MMS22L: variants seen among roughly 807,000 people sequenced by gnomAD.
The protein encoded by MMS22L is protein MMS22-like.
Under a neutral mutation model 159.1 loss-of-function variants are expected in MMS22L, and 74 were observed. That is an observed-to-expected ratio of 0.47 (90% CI 0.39 to 0.56). The LOEUF is 0.56. MMS22L is among the 20% of genes least tolerant of loss of function. The pLI, the probability that MMS22L is intolerant of heterozygous loss-of-function variation, is 0.00. For synonymous variants in MMS22L, 517 were observed against 506.9 expected (o/e 1.02, Z -0.27); for missense variants, 1,351 against 1,422.1 (o/e 0.95, Z 0.80).
chr6:97,231,368 T>C, intron 13 of MMS22L, 58 bp downstream of exon 13: 1 of 1,241,512 alleles, frequency 8.1e-7, no homozygotes, highest in Non-Finnish European at 1.2e-6. Flanking sequence ...AAAATACAAA[T>C]AGTAACACCT....
At chr6:97,227,507 T>C (rs1288420748) in intron 14 of MMS22L, among the ~76,000 whole-genome samples, 1 of 152,204 alleles carries the variant, frequency 6.6e-6, no homozygotes, top group African/African-American at 2.4e-5. Context: ...AGGGAATCAC[T>C]TAACATTTAT....
rs902168060 is a variant in MMS22L at position 97,143,699 on chromosome 6, T to A, written c.*3107A>T. On this transcript the variant is annotated 3_prime_UTR_variant, in exon 25 of 25. Transcript: ENST00000683635. ...GAAGAACCTAAAATGCCTCTGACAT[T>A]TCAAGGCTAAATAACTTAGGACAAT... The A allele has an allele frequency of 6.6e-6, 1 of 152,026 alleles. No individual in the cohort carries two copies. Among genetic ancestry groups the A allele is most frequent in the Non-Finnish European group, 1.5e-5 (1 of 68,000 alleles). 9.4% of individuals were successfully genotyped at this position (152,026 alleles called of 1,614,324 possible). A position where few individuals can be genotyped will look rare whatever the true frequency, so the allele number is the denominator to read the frequency against.
At chr6:97,201,302 G>A (rs1807132587) in intron 14 of MMS22L, among the ~76,000 whole-genome samples, 1 of 152,130 alleles carries the variant, frequency 6.6e-6, no homozygotes, top group African/African-American at 2.4e-5. Context: ...CTGAGTTAAA[G>A]AGCTTGTTCC....
At chr6:97,170,890 C>T (rs1803476638) in intron 19 of MMS22L, among the ~76,000 whole-genome samples, 1 of 151,938 alleles carries the variant, frequency 6.6e-6, no homozygotes, top group Admixed American at 6.6e-5. Context: ...ATCTGCAGTC[C>T]CAGCTACTCA....
chr6:97,220,972 ACACACACACAC>A (rs1809574044), intron 14 of MMS22L, among the ~76,000 whole-genome samples: 1 of 146,858 alleles, frequency 6.8e-6, no homozygotes, highest in Non-Finnish European at 1.5e-5. Context: ...ACACACACAC[ACACACACACAC>A]ACACACACAC....
chr6:97,263,948 T>C (rs532176786), intron 8 of MMS22L: 2 of 152,646 alleles, frequency 1.3e-5, no homozygotes, highest in African/African-American at 4.8e-5. Flanking sequence ...GACCTCGTGA[T>C]ACACCCGCCT....
intron 14 of MMS22L, among the ~76,000 whole-genome samples, chr6:97,198,892 TTCC>T (rs751222840): frequency 7.2e-5 from 11 of 152,300 alleles, no homozygotes; most frequent in Non-Finnish European, 1.5e-4. Flanking sequence ...ATTATCATAT[TTCC>T]TCTCAATAAA....
intron 20 of MMS22L, among the ~76,000 whole-genome samples, chr6:97,166,821 T>C (rs1300541064): frequency 6.6e-6 from 1 of 152,160 alleles, no homozygotes; most frequent in Non-Finnish European, 1.5e-5. Context: ...CTCCCCTCTA[T>C]TCATCTCTCC....
chr6:97,193,872 T>C (rs1464294334), intron 14 of MMS22L, among the ~76,000 whole-genome samples: 1 of 152,168 alleles, frequency 6.6e-6, no homozygotes, highest in Non-Finnish European at 1.5e-5. Flanking sequence ...ACCATTCTCC[T>C]GCCTCAGCTT....
At chr6:97,215,958 A>G (rs760393745) in intron 14 of MMS22L, among the ~76,000 whole-genome samples, 5 of 152,158 alleles carry the variant, frequency 3.3e-5, no homozygotes, top group Admixed American at 2.0e-4. Context: ...AGAAAAATAT[A>G]TATCTTGTAA....
At chr6:97,228,494 C>T (rs1041972527) in intron 14 of MMS22L, among the ~76,000 whole-genome samples, 1 of 152,178 alleles carries the variant, frequency 6.6e-6, no homozygotes, top group Non-Finnish European at 1.5e-5. Context: ...GGATGGGTTG[C>T]AGTCAAAACT....
intron 19 of MMS22L, among the ~76,000 whole-genome samples, chr6:97,169,229 C>CTG (rs750448773): frequency 1.5e-4 from 23 of 152,002 alleles, no homozygotes; most frequent in Non-Finnish European, 2.8e-4. Flanking sequence ...TGCTAGAAGT[C>CTG]TGTTAATTGC....
At chr6:97,199,482 T>A (rs1806906819) in intron 14 of MMS22L, among the ~76,000 whole-genome samples, 1 of 152,156 alleles carries the variant, frequency 6.6e-6, no homozygotes, top group Admixed American at 6.6e-5. Context: ...CAATTCTATG[T>A]GAACAGATTG....
intron 22 of MMS22L, among the ~76,000 whole-genome samples, chr6:97,156,589 G>T (rs1430997032): frequency 6.6e-6 from 1 of 152,012 alleles, no homozygotes; most frequent in Non-Finnish European, 1.5e-5. Flanking sequence ...TTTCCCCATT[G>T]CTTGTGTCAG....
Position 97,182,031 on chromosome 6 carries a change from T to C in MMS22L, c.2257A>G (p.Met753Val). 6.2e-7 allele frequency: 1 copy of C among 1,610,836 alleles called. No homozygotes were observed. Among genetic ancestry groups the C allele is most frequent in the Non-Finnish European group, 8.5e-7 (1 of 1,179,002 alleles). The change falls in exon 16 of 25, where the codon ATG becomes GTG. Residue 753 changes from methionine to valine, a missense_variant. Transcript: ENST00000683635. Reference sequence around the variant, plus strand: ...AAATCTGATGGAGCTGTGCTTGGCATGTCCATTGCTAGCAAAGTAAAGTCT... The same window carrying C: ...AAATCTGATGGAGCTGTGCTTGGCACGTCCATTGCTAGCAAAGTAAAGTCT... ...AADFTLLAMD[M>V]PSTAPSDFQP...
intron 17 of MMS22L, among the ~76,000 whole-genome samples, chr6:97,179,097 T>A (rs971970220): frequency 2.4e-4 from 37 of 152,238 alleles, no homozygotes; most frequent in African/African-American, 8.7e-4. Context: ...GTTCTACTTT[T>A]TTCGTGATCA....
intron 14 of MMS22L, among the ~76,000 whole-genome samples, chr6:97,189,786 A>G (rs1805681251): frequency 6.6e-6 from 1 of 152,066 alleles, no homozygotes; most frequent in African/African-American, 2.4e-5. Context: ...AATATGCAAA[A>G]TGTTTCCTGC....
At chr6:97,269,758 G>T in intron 7 of MMS22L, 144 bp downstream of exon 7, 1 of 582,196 alleles carries the variant, frequency 1.7e-6, no homozygotes, top group Non-Finnish European at 2.9e-6. Context: ...TCTCTGGAAA[G>T]AAAGGAGTAA....
chr6:97,162,160 G>A lies in MMS22L; in HGVS notation c.3227C>T (p.Ser1076Phe), dbSNP rs767168883. Residue 1076 changes from serine to phenylalanine, a missense_variant, in exon 22 of 25, where the codon TCC becomes TTC. Coordinates refer to ENST00000683635, the MANE Select transcript of MMS22L (RefSeq NM_001350599.2). The part of the protein sequence containing the change: ...KKCIVQVIRK[S>F]YLEYKGSSPP... ...TGAGGACCCCTTATACTCAAGGTAG[G>A]ATTTCCTGAAAAGAAGCAAAATTTG... The A allele has an allele frequency of 8.2e-6, 13 of 1,588,422 alleles. No individual in the cohort carries two copies. The highest frequency in any genetic ancestry group is 3.5e-5 in the South Asian group (3 of 85,994).
Sources: gnomAD v4.1 joint callset for allele counts (sites outside exome capture counted in the v4.1 genomes callset) on GRCh38, gnomAD v4.1.1 for gene constraint, MANE v1.5 for transcripts, NCBI Gene and HGNC (gene_info 2026-07-23, HGNC 2026-07-21) for gene names.